The following XYLT1 variants were observed in gnomAD, a reference collection of about 807,000 sequenced individuals.
The protein encoded by XYLT1 is beta-D-xylosyltransferase 1.
In XYLT1, 36 loss-of-function variants were observed where a neutral mutation model predicts 91.3. That is an observed-to-expected ratio of 0.39 (90% CI 0.30 to 0.52). The LOEUF is 0.52. XYLT1 is among the 20% of genes least tolerant of loss of function. The pLI, the probability that XYLT1 is intolerant of heterozygous loss-of-function variation, is 0.68. For synonymous variants in XYLT1, 588 were observed against 532.0 expected, an observed-to-expected ratio of 1.11 and a Z score of -1.45; for missense variants, 1,242 against 1,284.5, an observed-to-expected ratio of 0.97 and a Z score of 0.51.
At chr16:17,118,376 A>G (rs988580225) in intron 10 of XYLT1, among the ~76,000 whole-genome samples, 3 of 152,182 alleles carry the variant, frequency 2.0e-5, no homozygotes, top group African/African-American at 7.2e-5. Context: ...CGGGTTTCCA[A>G]TTCCATCCTT....
chr16:17,366,606 A>C (rs2035457487), intron 1 of XYLT1, among the ~76,000 whole-genome samples: 1 of 152,126 alleles, frequency 6.6e-6, no homozygotes, highest in South Asian at 2.1e-4. Flanking sequence ...GAGGCACGAG[A>C]ACAGCTTGAA....
rs556313553 is a variant in XYLT1 at position 17,360,802 on chromosome 16, C to T, written c.364-2752G>A. 2.0e-5 allele frequency among the ~76,000 whole-genome samples: 3 copies of T among 152,324 alleles called. No homozygotes were observed. In the East Asian group the frequency reaches 5.8e-4, roughly 29 times the overall value. ...GTCTAAATTGGGACTCTTTGGTTTA[C>T]AGTAGAGTAAATTCCTGTCCATCAG... On this transcript the variant is annotated intron_variant, in intron 1 of 11. Coordinates refer to ENST00000261381, the MANE Select transcript of XYLT1 (RefSeq NM_022166.4).
chr16:17,360,334 G>GT (rs2035364320), intron 1 of XYLT1, among the ~76,000 whole-genome samples: 1 of 152,186 alleles, frequency 6.6e-6, no homozygotes, highest in Non-Finnish European at 1.5e-5. Flanking sequence ...TCCTTGGGAA[G>GT]TCACAGGAAA....
chr16:17,379,728 A>ATCTCTCTCTCTCTC (rs71137986), intron 1 of XYLT1, among the ~76,000 whole-genome samples: 2 of 125,816 alleles, frequency 1.6e-5, no homozygotes, highest in African/African-American at 6.5e-5. Flanking sequence ...AATGAAGGAT[A>ATCTCTCTCTCTCTC]TCTCTCTCTC....
At position 17,259,293 on chromosome 16, in the gene XYLT1, C is replaced by T. The variant is rs766275950; in HGVS notation, c.608G>A (p.Gly203Glu). 6.2e-7 allele frequency: 1 copy of T among 1,614,118 alleles called. No individual in the cohort carries two copies. Among genetic ancestry groups the T allele is most frequent in the Non-Finnish European group, 8.5e-7 (1 of 1,180,036 alleles). Residue 203 changes from glycine (G) to glutamate (E), a missense_variant, in exon 3 of 12, where the codon GGA (glycine) becomes GAA (glutamate). Gly to Glu is a moderately conservative substitution (Grantham distance 98). This residue lies in a region of XYLT1 where 437 missense variants were observed against 411.5 expected (regional missense o/e 1.06). Transcript: ENST00000261381. ...LKRKLEQQEK[G>E]KGHTFPGKGP... ...TTTCCCAGGGAATGTATGTCCTTTT[C>T]CTTTCTCCTGCTGTTCCAGCTTCCT... is the stretch of plus-strand genomic sequence containing the variant.
At chr16:17,333,173 A>G (rs1179850206) in intron 2 of XYLT1, among the ~76,000 whole-genome samples, 1 of 152,120 alleles carries the variant, frequency 6.6e-6, no homozygotes, top group African/African-American at 2.4e-5. Flanking sequence ...CTTCATCCTC[A>G]TTCAAGACAC....
At chr16:17,211,277 T>A (rs2141599287) in intron 3 of XYLT1, among the ~76,000 whole-genome samples, 1 of 151,982 alleles carries the variant, frequency 6.6e-6, no homozygotes, top group Non-Finnish European at 1.5e-5. Context: ...TGAGAGGAGG[T>A]AAAGGCAAAG....
chr16:17,172,403 A>G (rs2031841437), intron 5 of XYLT1, among the ~76,000 whole-genome samples: 1 of 151,276 alleles, frequency 6.6e-6, no homozygotes. Flanking sequence ...TTCTTCAGCA[A>G]TTCAGGCCCT....
At position 17,313,639 on chromosome 16, in the gene XYLT1, T is replaced by C. The variant is rs531972839; in HGVS notation, c.402+44373A>G. Among the ~76,000 whole-genome samples the C allele has an allele frequency of 2.0e-4, 30 of 151,880 alleles. No individual in the cohort carries two copies. The South Asian group carries it at 6.2e-3, about 32-fold the overall frequency. ...CTGCTATAATGCTGTCTGTGTAACT[T>C]AGGCAAGAAAAGGTTTCCTTTCATT... is the stretch of plus-strand genomic sequence containing the variant. On this transcript the variant is annotated intron_variant, in intron 2 of 11. Coordinates refer to ENST00000261381, the MANE Select transcript of XYLT1 (RefSeq NM_022166.4).
chr16:17,292,081 T>TACACACACAC (rs10568382), intron 2 of XYLT1, among the ~76,000 whole-genome samples: 16 of 149,082 alleles, frequency 1.1e-4, no homozygotes, highest in East Asian at 8.0e-4. Flanking sequence ...CACTAAACCA[T>TACACACACAC]ACACACACAC....
chr16:17,433,587 G>A (rs1435113411), intron 1 of XYLT1, among the ~76,000 whole-genome samples: 5 of 152,156 alleles, frequency 3.3e-5, no homozygotes, highest in African/African-American at 1.2e-4. Context: ...TAGAAACTAG[G>A]ACTTGGGATG....
intron 1 of XYLT1, among the ~76,000 whole-genome samples, chr16:17,465,513 T>C (rs1256068123): frequency 1.3e-5 from 2 of 148,308 alleles, no homozygotes. Flanking sequence ...TTATCAGTTG[T>C]GTAATACCGT....
chr16:17,198,173 C>T (rs776815655), intron 5 of XYLT1, 39 bp downstream of exon 5: 13 of 1,608,472 alleles, frequency 8.1e-6, no homozygotes, highest in Middle Eastern at 1.8e-4. Flanking sequence ...CAGAGCAGGA[C>T]GTCAGACAAG....
intron 3 of XYLT1, among the ~76,000 whole-genome samples, chr16:17,232,450 C>CACAT (rs1555489498): frequency 4.0e-4 from 45 of 113,262 alleles, no homozygotes; most frequent in African/African-American, 1.5e-3. Flanking sequence ...TATATATATA[C>CACAT]ATATATATAT....
chr16:17,255,075 C>T (rs1200731074), intron 3 of XYLT1, among the ~76,000 whole-genome samples: 1 of 147,338 alleles, frequency 6.8e-6, no homozygotes, highest in Non-Finnish European at 1.5e-5. Context: ...CAGCTCACTG[C>T]AACCTCTGCC....
At chr16:17,420,717 T>C (rs1366965650) in intron 1 of XYLT1, among the ~76,000 whole-genome samples, 2 of 152,146 alleles carry the variant, frequency 1.3e-5, no homozygotes, top group Non-Finnish European at 2.9e-5. Flanking sequence ...CAAATGTTCT[T>C]TCTATTGAAT....
chr16:17,445,183 C>A (rs1399890772), intron 1 of XYLT1, among the ~76,000 whole-genome samples: 7 of 152,252 alleles, frequency 4.6e-5, no homozygotes, highest in African/African-American at 1.7e-4. Context: ...TTTGGAAAGA[C>A]AGGGTTTCAC....
chr16:17,327,331 G>C (rs541677127), intron 2 of XYLT1, among the ~76,000 whole-genome samples: 1 of 150,764 alleles, frequency 6.6e-6, no homozygotes, highest in Non-Finnish European at 1.5e-5. Flanking sequence ...GATTAAAAAC[G>C]AGCAACAACT....
At chr16:17,313,827 T>C (rs1179266258) in intron 2 of XYLT1, among the ~76,000 whole-genome samples, 5 of 152,068 alleles carry the variant, frequency 3.3e-5, no homozygotes, top group Non-Finnish European at 7.4e-5. Flanking sequence ...AGCTGAAAAG[T>C]GTGGATTAGG....
Sources: gnomAD v4.1 joint callset for allele counts (sites outside exome capture counted in the v4.1 genomes callset) on GRCh38, gnomAD v4.1.1 for gene constraint, gnomAD v4.1.1 regional missense constraint, MANE v1.5 for transcripts, NCBI Gene and HGNC (gene_info 2026-07-23, HGNC 2026-07-21) for gene names.